The following MAGI2 variants were observed in gnomAD, a reference collection of about 807,000 sequenced individuals.
The protein encoded by MAGI2 is membrane-associated guanylate kinase, WW and PDZ domain-containing protein 2.
A neutral mutation model predicts 133.3 loss-of-function variants in MAGI2; 35 were observed. The observed-to-expected ratio is 0.26, with a 90% CI of 0.20 to 0.35. The LOEUF (loss-of-function observed/expected upper bound fraction) is 0.35. MAGI2 is among the 10% of genes least tolerant of loss of function. MAGI2 has a pLI of 1.00. For synonymous variants in MAGI2, 729 were observed against 710.6 expected (o/e 1.03, Z -0.41); for missense variants, 1,636 against 1,863.4 (o/e 0.88, Z 2.25).
intron 2 of MAGI2, among the ~76,000 whole-genome samples, chr7:78,716,084 G>T (rs1171501800): frequency 6.6e-6 from 1 of 152,200 alleles, no homozygotes; most frequent in African/African-American, 2.4e-5. Context: ...CAGAGAAATT[G>T]TTCCTGTGTT....
At chr7:79,231,768 A>C (rs1445641531) in intron 1 of MAGI2, among the ~76,000 whole-genome samples, 1 of 145,210 alleles carries the variant, frequency 6.9e-6, no homozygotes, top group Middle Eastern at 3.2e-3. Context: ...CTCTTTTCCT[A>C]ATTGAATACC....
intron 21 of MAGI2, among the ~76,000 whole-genome samples, chr7:78,052,355 T>C (rs1812099529): frequency 6.6e-6 from 1 of 152,162 alleles, no homozygotes; most frequent in African/African-American, 2.4e-5. Context: ...CACCCCCTCC[T>C]CTTTCTTGCT....
chr7:79,298,715 C>T (rs892425994), intron 1 of MAGI2, among the ~76,000 whole-genome samples: 18 of 151,882 alleles, frequency 1.2e-4, no homozygotes, highest in Admixed American at 9.2e-4. Context: ...ATAATGTGAC[C>T]GTATTTGGAA....
chr7:79,038,405 A>G (rs1403043005), intron 1 of MAGI2, among the ~76,000 whole-genome samples: 3 of 152,034 alleles, frequency 2.0e-5, no homozygotes, highest in African/African-American at 7.2e-5. Flanking sequence ...GTTATTATTA[A>G]TTTTCTTGAT....
At chr7:78,646,793 C>T (rs1158805065) in intron 2 of MAGI2, among the ~76,000 whole-genome samples, 4 of 152,116 alleles carry the variant, frequency 2.6e-5, no homozygotes, top group Non-Finnish European at 5.9e-5. Flanking sequence ...TAGCGCTGAC[C>T]AACAGTCACA....
At chr7:78,029,667 A>G (rs1809353644) in intron 21 of MAGI2, among the ~76,000 whole-genome samples, 1 of 152,092 alleles carries the variant, frequency 6.6e-6, no homozygotes, top group South Asian at 2.1e-4. Context: ...GCGTGTTGAA[A>G]ACTACTGCGT....
intron 10 of MAGI2, among the ~76,000 whole-genome samples, chr7:78,215,581 A>G (rs1788188202): frequency 6.6e-6 from 1 of 152,198 alleles, no homozygotes; most frequent in Non-Finnish European, 1.5e-5. Context: ...ACATAGCATT[A>G]AAATGGAGAT....
chr7:78,549,953 A>T (rs1055546211), intron 3 of MAGI2, among the ~76,000 whole-genome samples: 1 of 152,104 alleles, frequency 6.6e-6, no homozygotes, highest in Non-Finnish European at 1.5e-5. Context: ...TAGTGTTAGG[A>T]GGTGAGGCCT....
At chr7:79,316,266 C>G (rs1362544632) in intron 1 of MAGI2, among the ~76,000 whole-genome samples, 1 of 152,006 alleles carries the variant, frequency 6.6e-6, no homozygotes, top group Admixed American at 6.6e-5. Context: ...CTACCACCAC[C>G]ACCCCCCCAC....
intron 2 of MAGI2, among the ~76,000 whole-genome samples, chr7:78,738,000 C>G (rs1261793266): frequency 6.6e-6 from 1 of 151,928 alleles, no homozygotes; most frequent in African/African-American, 2.4e-5. Flanking sequence ...CATTTCATTA[C>G]AAATAAATTT....
chr7:79,198,158 T>C (rs1562986000), intron 1 of MAGI2, among the ~76,000 whole-genome samples: 1 of 151,710 alleles, frequency 6.6e-6, no homozygotes, highest in East Asian at 1.9e-4. Flanking sequence ...GAAGCTGAGG[T>C]TGGAAGATCA....
chr7:78,184,752 A>G (rs567478465), intron 13 of MAGI2: 8 of 152,342 alleles, frequency 5.3e-5, no homozygotes, highest in African/African-American at 1.4e-4. Context: ...CGAAATGGTT[A>G]AGTAAAAAAT....
At chr7:79,383,916 T>C (rs1843991946) in intron 1 of MAGI2, among the ~76,000 whole-genome samples, 1 of 151,480 alleles carries the variant, frequency 6.6e-6, no homozygotes, top group East Asian at 1.9e-4. Flanking sequence ...AGTAATATTT[T>C]AGATATACCA....
At position 78,214,802 on chromosome 7, in the gene MAGI2, A is replaced by G. The variant is rs74972219; in HGVS notation, c.2048-13609T>C. The stretch of plus-strand genomic sequence containing the variant: ...CAATGTATTTTCTCATAACTACAAT[A>G]GCAAGAAATAGGGATTAAGAACAAA... On this transcript the variant is annotated intron_variant, in intron 10 of 21. Coordinates refer to ENST00000354212, the MANE Select transcript of MAGI2 (RefSeq NM_012301.4). Among the ~76,000 whole-genome samples, 203 of 152,370 alleles carry G rather than the reference A, an allele frequency of 1.3e-3. 6 individuals carry two copies. The East Asian group carries it at 0.026, about 20-fold the overall frequency.
At chr7:78,233,176 T>C (rs1047200781) in intron 10 of MAGI2, among the ~76,000 whole-genome samples, 1 of 152,080 alleles carries the variant, frequency 6.6e-6, no homozygotes, top group Non-Finnish European at 1.5e-5. Flanking sequence ...TACAATCATG[T>C]GGGTGGTCAT....
In MAGI2 at chr7:79,298,383, G is replaced by A. The variant is rs1837110906; in HGVS notation, c.301+154637C>T. On this transcript the variant is annotated intron_variant, in intron 1 of 21. Transcript: ENST00000354212. ...GGTGGCAGCATAACAAAATTGCTATGAGAGTTCCTAACTTGGGGAGCTAAG... is the reference window on the plus strand; with the variant it reads ...GGTGGCAGCATAACAAAATTGCTATAAGAGTTCCTAACTTGGGGAGCTAAG... Among the ~76,000 whole-genome samples, 3 of 152,218 alleles carry A rather than the reference G, an allele frequency of 2.0e-5. No individual in the cohort carries two copies. The South Asian group carries it at 6.2e-4, about 32-fold the overall frequency.
chr7:79,377,997 A>G (rs1350780483), intron 1 of MAGI2, among the ~76,000 whole-genome samples: 1 of 151,886 alleles, frequency 6.6e-6, no homozygotes, highest in Non-Finnish European at 1.5e-5. Flanking sequence ...TTCAGACTAG[A>G]CATGTTTTCA....
At chr7:78,800,485 C>T (rs1787973318) in intron 2 of MAGI2, among the ~76,000 whole-genome samples, 1 of 152,054 alleles carries the variant, frequency 6.6e-6, no homozygotes, top group South Asian at 2.1e-4. Flanking sequence ...GAACTGACTG[C>T]TATGTGCCTA....
chr7:78,943,627 G>T (rs146890510), intron 2 of MAGI2, among the ~76,000 whole-genome samples: 9 of 152,158 alleles, frequency 5.9e-5, no homozygotes, highest in Admixed American at 1.3e-4. Context: ...TAGGAACAGA[G>T]AACATTTCTT....
Sources: allele counts gnomAD v4.1 joint callset (sites outside exome capture counted in the v4.1 genomes callset), GRCh38; gene constraint gnomAD v4.1.1; transcripts MANE v1.5; gene names NCBI Gene and HGNC (gene_info 2026-07-23, HGNC 2026-07-21).